Variants in PRKG1 observed in about 807,000 individuals in gnomAD.
The protein encoded by PRKG1 is cGMP-dependent protein kinase 1.
In PRKG1, 35 loss-of-function variants were observed where a neutral mutation model predicts 88.1. The ratio of observed to expected loss-of-function variants is 0.40; its 90% CI spans 0.30 to 0.53. The LOEUF (loss-of-function observed/expected upper bound fraction) is 0.53. Among genes scored for constraint, PRKG1 ranks in the 20% least tolerant of loss-of-function variants. The pLI is 0.59. For synonymous variants in PRKG1, 303 were observed against 292.5 expected (o/e 1.04, Z -0.37); for missense variants, 540 against 839.8 (o/e 0.64, Z 4.41).
chr10:52,245,321 T>C (rs572015766), intron 9 of PRKG1, among the ~76,000 whole-genome samples: 74 of 152,152 alleles, frequency 4.9e-4, no homozygotes, highest in South Asian at 6.2e-4. Flanking sequence ...TTAAGTAAGC[T>C]GGGATTCTGA....
chr10:51,192,306 C>T (rs1474260189), intron 2 of PRKG1, among the ~76,000 whole-genome samples: 2 of 151,740 alleles, frequency 1.3e-5, no homozygotes, highest in Admixed American at 6.6e-5. Flanking sequence ...ACCACATGAC[C>T]TTTGGAAGCT....
At chr10:51,579,394 C>T (rs1381570036) in intron 3 of PRKG1, among the ~76,000 whole-genome samples, 4 of 152,006 alleles carry the variant, frequency 2.6e-5, no homozygotes, top group African/African-American at 7.2e-5. Context: ...AATACATTTG[C>T]AATTTTTAAT....
chr10:51,715,239 A>C (rs781396147), intron 3 of PRKG1, among the ~76,000 whole-genome samples: 14 of 152,192 alleles, frequency 9.2e-5, no homozygotes, highest in Admixed American at 7.2e-4. Context: ...TTCATTATAT[A>C]CAACTTAGAT....
In PRKG1 at chr10:51,440,552, A is replaced by G. The variant is rs149238680; in HGVS notation, c.479-27171A>G. Among the ~76,000 whole-genome samples the G allele has an allele frequency of 7.8e-3, 1,192 of 152,078 alleles. 12 individuals carry two copies. Among genetic ancestry groups the G allele is most frequent in the Non-Finnish European group, 0.012 (846 of 67,928 alleles). On this transcript the variant is annotated intron_variant, in intron 2 of 17. Transcript: ENST00000373980. ...GTGTCAGATCTACTTCAATATTAGC[A>G]TGCATAAAGCAACATATTTTGAAGG...
At chr10:51,915,483 T>C (rs11000113) in intron 5 of PRKG1, among the ~76,000 whole-genome samples, 54,789 of 152,042 alleles carry the variant, frequency 0.36, 10,433 homozygotes, top group Non-Finnish European at 0.41. Flanking sequence ...TTCACTTGTG[T>C]CTTCCCTTTT....
At chr10:51,723,175 T>A (rs1026713027) in intron 3 of PRKG1, among the ~76,000 whole-genome samples, 10 of 152,214 alleles carry the variant, frequency 6.6e-5, no homozygotes, top group Non-Finnish European at 1.3e-4. Context: ...CCTGATTAAT[T>A]GAGTTTATTG....
chr10:52,077,686 A>G (rs1222713758), intron 7 of PRKG1, among the ~76,000 whole-genome samples: 1 of 152,150 alleles, frequency 6.6e-6, no homozygotes, highest in African/African-American at 2.4e-5. Context: ...TTCTACACAC[A>G]GGAGGCTCAG....
chr10:51,079,934 G>C (rs9299457), intron 1 of PRKG1, among the ~76,000 whole-genome samples: 53,446 of 152,012 alleles, frequency 0.35, 12,076 homozygotes, highest in African/African-American at 0.64. Flanking sequence ...AATCTAACTT[G>C]ATGCCACAGA....
At chr10:51,863,587 G>T (rs1366721191) in intron 4 of PRKG1, among the ~76,000 whole-genome samples, 1 of 152,028 alleles carries the variant, frequency 6.6e-6, no homozygotes, top group Non-Finnish European at 1.5e-5. Context: ...TGAGAGGTGG[G>T]GCCTAATGGG....
rs74135110 is a variant in PRKG1, at chr10:52,029,471, A to G, written c.763-25013A>G. On this transcript the variant is annotated intron_variant, in intron 5 of 17. Coordinates refer to ENST00000373980, the MANE Select transcript of PRKG1 (RefSeq NM_006258.4). ...AAACCTCTCAGAGAAGGCTTTTCAGAGGAAGCACCAGTAGAGATGTCCCTT... is the reference window on the plus strand; with the variant it reads ...AAACCTCTCAGAGAAGGCTTTTCAGGGGAAGCACCAGTAGAGATGTCCCTT... Among the ~76,000 whole-genome samples, 1,503 of 152,310 alleles carry G rather than the reference A, an allele frequency of 9.9e-3. 31 individuals are homozygous for G. Among genetic ancestry groups the G allele is most frequent in the African/African-American group, 0.034 (1,431 of 41,558 alleles).
intron 2 of PRKG1, among the ~76,000 whole-genome samples, chr10:51,374,017 C>T (rs1842757525): frequency 6.8e-6 from 1 of 146,926 alleles, no homozygotes; most frequent in African/African-American, 2.5e-5. Flanking sequence ...TGTAAGGCGC[C>T]TGTAATCCCA....
intron 1 of PRKG1, among the ~76,000 whole-genome samples, chr10:51,112,489 C>A (rs1011763473): frequency 2.6e-5 from 4 of 152,024 alleles, no homozygotes; most frequent in Non-Finnish European, 5.9e-5. Flanking sequence ...ATTTTATCAT[C>A]CTCATGAATT....
intron 2 of PRKG1, among the ~76,000 whole-genome samples, chr10:51,325,161 G>T (rs1396723754): frequency 2.0e-5 from 3 of 151,966 alleles, no homozygotes; most frequent in Non-Finnish European, 2.9e-5. Context: ...ACACCTGTTT[G>T]CCATTTGTAG....
At chr10:51,232,328 C>A (rs1838865844) in intron 2 of PRKG1, among the ~76,000 whole-genome samples, 1 of 152,092 alleles carries the variant, frequency 6.6e-6, no homozygotes, top group Non-Finnish European at 1.5e-5. Flanking sequence ...AATAATAAAG[C>A]AGAAAGATTG....
chr10:51,227,293 T>G (rs997035287), intron 2 of PRKG1, among the ~76,000 whole-genome samples: 3 of 151,854 alleles, frequency 2.0e-5, no homozygotes, highest in African/African-American at 7.3e-5. Context: ...GAGAAAATAG[T>G]GAATGAATGA....
Position 51,034,669 on chromosome 10 carries a change from TATATATATATATA to T in PRKG1, c.266+43026_266+43038del, listed in dbSNP as rs1207636600. ...GCAAAATTATATATAATATGTTATTTATATATATATATATATATATATATATATATATATATAT... is the reference window on the plus strand; with the variant it reads ...GCAAAATTATATATAATATGTTATTTTATATATATATATATATATATATAT... On this transcript the variant is annotated intron_variant, in intron 1 of 17. Transcript: ENST00000401604. 5.5e-3 allele frequency among the ~76,000 whole-genome samples: 162 copies of T among 29,228 alleles called. 10 individuals carry two copies. The South Asian group carries it at 0.062, about 11-fold the overall frequency. 19.2% of individuals were successfully genotyped at this position (29,228 alleles called of 152,430 possible).
chr10:51,489,987 C>G (rs1020653122), intron 3 of PRKG1, among the ~76,000 whole-genome samples: 3 of 152,156 alleles, frequency 2.0e-5, no homozygotes, highest in African/African-American at 7.2e-5. Flanking sequence ...GGGATGGCCA[C>G]TGGAAACTTT....
At chr10:52,254,771 TATC>T (rs1841268858) in intron 10 of PRKG1, among the ~76,000 whole-genome samples, 1 of 152,070 alleles carries the variant, frequency 6.6e-6, no homozygotes, top group South Asian at 2.1e-4. Context: ...AATAGTTTAT[TATC>T]AATTTTTGGA....
At chr10:52,127,894 C>G (rs1837140496) in intron 7 of PRKG1, among the ~76,000 whole-genome samples, 2 of 152,140 alleles carry the variant, frequency 1.3e-5, no homozygotes, top group Admixed American at 6.6e-5. Flanking sequence ...CCTGATATGA[C>G]TTTTCCTTAA....
Sources: allele counts gnomAD v4.1 joint callset (sites outside exome capture counted in the v4.1 genomes callset), GRCh38; gene constraint gnomAD v4.1.1; transcripts MANE v1.5; gene names NCBI Gene and HGNC (gene_info 2026-07-23, HGNC 2026-07-21).